The following NEIL2 variants were observed in gnomAD, a reference collection of about 807,000 sequenced individuals.
The protein encoded by NEIL2 is endonuclease 8-like 2.
In NEIL2, 23 loss-of-function variants were observed where a neutral mutation model predicts 22.2. The observed-to-expected ratio is 1.04, with a 90% CI of 0.75 to 1.47. The LOEUF (loss-of-function observed/expected upper bound fraction) is 1.47, where lower values mean the gene tolerates loss of function less well. Among genes scored for constraint, NEIL2 ranks in the 40% most tolerant of loss-of-function variants. The pLI is 0.00. For synonymous variants in NEIL2, 229 were observed against 164.8 expected (o/e 1.39, Z -2.99); for missense variants, 583 against 404.7 (o/e 1.44, Z -3.78).
At chr8:11,783,926 A>G (rs992672343) in intron 4 of NEIL2, among the ~76,000 whole-genome samples, 1 of 152,236 alleles carries the variant, frequency 6.6e-6, no homozygotes, top group Non-Finnish European at 1.5e-5. Flanking sequence ...CCCTCTCTCT[A>G]TTGCAGTGGC....
In NEIL2 at chr8:11,776,836, G is replaced by T. The variant is rs540406180; in HGVS notation, c.139-2762G>T. On this transcript the variant is annotated intron_variant, in intron 2 of 4. Coordinates refer to ENST00000284503, the MANE Select transcript of NEIL2 (RefSeq NM_145043.4). ...CTCATCAGTTACCCTTCCTGTGCCT[G>T]TTCCTCATCTTCTGGGGGGACTTTG... is the stretch of plus-strand genomic sequence containing the variant. Among the ~76,000 whole-genome samples, 10 of 152,296 alleles carry T rather than the reference G, an allele frequency of 6.6e-5. No individual in the cohort carries two copies. The South Asian group carries it at 1.9e-3, about 28-fold the overall frequency.
chr8:11,779,891 C>A lies in NEIL2; in HGVS notation c.432C>A (p.Asn144Lys). Residue 144 changes from asparagine to lysine, a missense_variant, in exon 3 of 5, where the codon AAC becomes AAA. Physicochemically the swap from Asn to Lys is moderately conservative, Grantham distance 94. Transcript: ENST00000284503. ...GTTTGTTTGGCAGCGTTTGGGTGAA[C>A]GATTTCTCCAGAGCCAAGAAAGCCA... The part of the protein sequence containing the change: ...SFGLFGSVWV[N>K]DFSRAKKANK... 1 of 1,614,074 alleles carries A rather than the reference C, an allele frequency of 6.2e-7. No individual in the cohort carries two copies.
chr8:11,773,549 C>T (rs758113231), intron 2 of NEIL2, among the ~76,000 whole-genome samples: 5 of 152,056 alleles, frequency 3.3e-5, no homozygotes, highest in Non-Finnish European at 5.9e-5. Context: ...GAAGAGGTCC[C>T]GGTGGCCTGG....
chr8:11,786,264 G>A lies in NEIL2; in HGVS notation c.990G>A (p.Gln330=). The change falls in exon 5 of 5, where the codon CAG becomes CAA. Residue 330 remains glutamine (Q), a synonymous_variant. Transcript: ENST00000284503. ...PQLSEEPEQC[Q]FS The stretch of plus-strand genomic sequence containing the variant: ...TGTCAGAGGAGCCAGAGCAGTGCCA[G>A]TTCTCCTAAGGAGCTGGTGGTGCTC... 3 of 1,611,842 alleles carry A rather than the reference G, an allele frequency of 1.9e-6. No homozygotes were observed. The highest frequency in any genetic ancestry group is 2.5e-6 in the Non-Finnish European group (3 of 1,179,822).
Position 11,786,301 on chromosome 8 carries a change from T to A in NEIL2, c.*28T>A. 1 of 1,590,390 alleles carries A rather than the reference T, an allele frequency of 6.3e-7. No homozygotes were observed. Among genetic ancestry groups the A allele is most frequent in the Non-Finnish European group, 8.5e-7 (1 of 1,171,282 alleles). ...AGCTGGTGGTGCTCCTCACGGAACC[T>A]TGCCGCTTGGGGAACCTGACGTCTA... On this transcript the variant is annotated 3_prime_UTR_variant, in exon 5 of 5. Transcript: ENST00000284503.
intron 2 of NEIL2, among the ~76,000 whole-genome samples, chr8:11,779,362 G>C (rs1804190067): frequency 6.6e-6 from 1 of 152,212 alleles, no homozygotes; most frequent in Non-Finnish European, 1.5e-5. Context: ...TTGCCATCTT[G>C]CATGGGTGTG....
intron 2 of NEIL2, among the ~76,000 whole-genome samples, chr8:11,778,835 C>A (rs1804135764): frequency 6.7e-6 from 1 of 149,028 alleles, no homozygotes; most frequent in African/African-American, 2.5e-5. Context: ...ACCTACAGTC[C>A]CAGCTACTTG....
intron 1 of NEIL2, among the ~76,000 whole-genome samples, chr8:11,771,061 A>T (rs955437333): frequency 4.6e-5 from 7 of 152,070 alleles, no homozygotes; most frequent in African/African-American, 1.7e-4. Flanking sequence ...GAGCAGGGGG[A>T]CAGAGAAAGT....
chr8:11,776,949 G>A lies in NEIL2; in HGVS notation c.139-2649G>A, dbSNP rs558050027. Among the ~76,000 whole-genome samples the A allele has an allele frequency of 3.9e-5, 6 of 152,194 alleles. No individual in the cohort carries two copies. The South Asian group carries it at 6.2e-4, about 16-fold the overall frequency. ...GTTTGTTGGGAGTAGTGCTAACAGC[G>A]CACGCCCTGGCTGCTGTGTCTGACC... On this transcript the variant is annotated intron_variant, in intron 2 of 4. Transcript: ENST00000284503.
chr8:11,779,712 G>C lies in NEIL2; in HGVS notation c.253G>C (p.Asp85His). 6.2e-7 allele frequency: 1 copy of C among 1,614,188 alleles called. No individual in the cohort carries two copies. The change falls in exon 3 of 5, where the codon GAC becomes CAC. Residue 85 changes from aspartate (D) to histidine (H), a missense_variant. Transcript: ENST00000284503. ...QKEVQKEGAA[D>H]PKQVGEPSGQ... ...AGAAGTGCAGAAGGAAGGGGCTGCG[G>C]ACCCAAAGCAGGTCGGGGAGCCCAG...
intron 2 of NEIL2, among the ~76,000 whole-genome samples, chr8:11,778,862 G>C (rs1454492737): frequency 7.7e-6 from 1 of 130,028 alleles, no homozygotes; most frequent in Admixed American, 9.6e-5. Flanking sequence ...TGAGGCAAGA[G>C]AATCACTTGA....
intron 2 of NEIL2, among the ~76,000 whole-genome samples, chr8:11,774,375 AAAC>A (rs1803732180): frequency 6.6e-6 from 1 of 152,114 alleles, no homozygotes; most frequent in African/African-American, 2.4e-5. Flanking sequence ...TCCATCTGAA[AAAC>A]AACAACAACA....
At chr8:11,784,633 G>GTA (rs1804733696) in intron 4 of NEIL2, among the ~76,000 whole-genome samples, 1 of 152,184 alleles carries the variant, frequency 6.6e-6, no homozygotes, top group African/African-American at 2.4e-5. Context: ...CTCTCCTTAA[G>GTA]GAGATCATTG....
chr8:11,770,654 GTGGT>G (rs1803357226), intron 1 of NEIL2, among the ~76,000 whole-genome samples: 1 of 152,192 alleles, frequency 6.6e-6, no homozygotes, highest in Non-Finnish European at 1.5e-5. Context: ...GCAGGAACAG[GTGGT>G]TAGGCAGCTG....
rs567172065 is a variant in NEIL2 at position 11,772,383 on chromosome 8, C to T, written c.138+798C>T. Among the ~76,000 whole-genome samples, 57 of 152,232 alleles carry T rather than the reference C, an allele frequency of 3.7e-4. 1 individual carries two copies. The South Asian group carries it at 0.011, about 30-fold the overall frequency. ...TTTGGCTCTTCTTAGTGTTTCTGTC[C>T]GTGGTTTTCACTTGCTGCCCCCTGC... On this transcript the variant is annotated intron_variant, in intron 2 of 4. Coordinates refer to ENST00000284503, the MANE Select transcript of NEIL2 (RefSeq NM_145043.4).
intron 1 of NEIL2, 84 bp from the exon 2 acceptor site, chr8:11,771,362 C>A: frequency 6.4e-7 from 1 of 1,560,132 alleles, no homozygotes; most frequent in Non-Finnish European, 8.8e-7. Flanking sequence ...AAAATGGCGG[C>A]ATGGAGGATG....
Position 11,783,324 on chromosome 8 carries a change from C to T in NEIL2, c.613C>T (p.Gln205Ter), listed in dbSNP as rs1563264486. Reference protein sequence around the residue: ...DILSEKFHRGQALEALGQAQP... With the variant: ...DILSEKFHRG ...CCTGTCTGAGAAGTTCCATCGAGGA[C>T]AAGCCTTAGAAGCTCTAGGCCAGGC... The change falls in exon 4 of 5, where the codon CAA (glutamine) becomes TAA (stop). Residue 205 changes from glutamine to a stop codon, truncating the protein, a stop_gained. Transcript: ENST00000284503. LOFTEE classifies it high-confidence loss of function. 5.0e-6 allele frequency: 8 copies of T among 1,614,236 alleles called. No individual in the cohort carries two copies. Among genetic ancestry groups the T allele is most frequent in the Non-Finnish European group, 6.8e-6 (8 of 1,180,040 alleles).
chr8:11,779,752 T>C lies in NEIL2; in HGVS notation c.293T>C (p.Leu98Pro), dbSNP rs145650056. The C allele has an allele frequency of 3.9e-4, 624 of 1,614,196 alleles. 3 individuals are homozygous for C. In the African/African-American group the frequency reaches 6.4e-3, roughly 17 times the overall value. The change falls in exon 3 of 5, where the codon CTT (leucine) becomes CCT (proline). Residue 98 changes from leucine (L) to proline (P), a missense_variant. By Grantham distance (98) the Leu-to-Pro change is moderately conservative. Transcript: ENST00000284503. ...GGGGAGCCCAGCGGGCAGAAGACCC[T>C]TGATGGATCCTCACGGTCTGCAGAG... ...QVGEPSGQKT[L>P]DGSSRSAELV...
chr8:11,776,434 C>G (rs761618896), intron 2 of NEIL2, among the ~76,000 whole-genome samples: 94 of 152,194 alleles, frequency 6.2e-4, no homozygotes, highest in Non-Finnish European at 1.3e-3. Context: ...TCAGTGATGT[C>G]CAGTCATCAG....
Sources: allele counts gnomAD v4.1 joint callset (sites outside exome capture counted in the v4.1 genomes callset), GRCh38; gene constraint gnomAD v4.1.1; transcripts MANE v1.5; gene names NCBI Gene and HGNC (gene_info 2026-07-23, HGNC 2026-07-21).